DENND5B: variants seen among roughly 807,000 people sequenced by gnomAD.
DENND5B encodes DENN domain containing 5B, also known as DENN domain-containing protein 5B.
Under a neutral mutation model 140.6 loss-of-function variants are expected in DENND5B, and 34 were observed. The ratio of observed to expected loss-of-function variants is 0.24; its 90% confidence interval spans 0.18 to 0.32. DENND5B has a LOEUF of 0.32. Among genes scored for constraint, DENND5B ranks in the 10% least tolerant of loss-of-function variants. The pLI is 1.00. For missense variants in DENND5B, 1,142 were observed against 1,560.2 expected (o/e 0.73, Z 4.52); for synonymous variants, 551 against 562.1 (o/e 0.98, Z 0.28).
chr12:31,405,570 CAG>C (rs1942083017), intron 14 of DENND5B, among the ~76,000 whole-genome samples: 1 of 149,108 alleles, frequency 6.7e-6, no homozygotes, highest in Non-Finnish European at 1.5e-5. Context: ...ATTTTTGAGG[CAG>C]AGTTTCACTC....
At chr12:31,458,216 C>G (rs972944073) in intron 4 of DENND5B, among the ~76,000 whole-genome samples, 1 of 152,074 alleles carries the variant, frequency 6.6e-6, no homozygotes, top group Non-Finnish European at 1.5e-5. Context: ...GGAAAGGTTT[C>G]CCAACTACAG....
chr12:31,391,606 T>C (rs189925158), intron 19 of DENND5B, among the ~76,000 whole-genome samples: 1 of 152,336 alleles, frequency 6.6e-6, no homozygotes. Flanking sequence ...TATTACAATT[T>C]GTTGAGTAAA....
chr12:31,431,194 T>C (rs1240489818), intron 8 of DENND5B, among the ~76,000 whole-genome samples: 4 of 152,196 alleles, frequency 2.6e-5, no homozygotes, highest in Non-Finnish European at 5.9e-5. Flanking sequence ...ATATATCCTA[T>C]TATTCAATAA....
intron 3 of DENND5B, among the ~76,000 whole-genome samples, chr12:31,463,864 C>T (rs1248798531): frequency 6.6e-6 from 1 of 152,160 alleles, no homozygotes; most frequent in Non-Finnish European, 1.5e-5. Flanking sequence ...GATGGGGTTT[C>T]ACCATGTTGG....
intron 1 of DENND5B, among the ~76,000 whole-genome samples, chr12:31,558,411 G>T (rs185789147): frequency 3.9e-5 from 6 of 152,238 alleles, no homozygotes; most frequent in Admixed American, 3.3e-4. Context: ...AAGAGAAATG[G>T]TTCTCACCTC....
intron 1 of DENND5B, among the ~76,000 whole-genome samples, chr12:31,570,799 T>C (rs927621736): frequency 3.3e-5 from 5 of 152,048 alleles, no homozygotes; most frequent in African/African-American, 1.2e-4. Context: ...TTATACCTTC[T>C]TAGGTTATCT....
intron 1 of DENND5B, among the ~76,000 whole-genome samples, chr12:31,561,913 T>A (rs547934087): frequency 6.6e-6 from 1 of 152,310 alleles, no homozygotes; most frequent in East Asian, 1.9e-4. Flanking sequence ...TTAAGCCACA[T>A]CATTCATTCA....
intron 7 of DENND5B, among the ~76,000 whole-genome samples, chr12:31,435,664 T>C (rs1370339947): frequency 3.4e-5 from 1 of 29,056 alleles, no homozygotes; most frequent in Non-Finnish European, 6.1e-5. Flanking sequence ...TTTGTTTTAG[T>C]TTGTTTGTTT....
chr12:31,491,557 G>T (rs1423901971), intron 2 of DENND5B, among the ~76,000 whole-genome samples: 1 of 152,010 alleles, frequency 6.6e-6, no homozygotes, highest in Non-Finnish European at 1.5e-5. Flanking sequence ...AGGGAGGAAG[G>T]GAAAGGGAAA....
chr12:31,432,901 A>C, intron 8 of DENND5B: 1 of 391,064 alleles, frequency 2.6e-6, no homozygotes, highest in Non-Finnish European at 4.6e-6. Flanking sequence ...TTTATCCTCA[A>C]CTTGATCTTT....
intron 3 of DENND5B, 142 bp downstream of exon 3, chr12:31,479,447 G>T: frequency 1.5e-6 from 1 of 683,544 alleles, no homozygotes; most frequent in Non-Finnish European, 2.1e-6. Flanking sequence ...TCAGCCGCTG[G>T]TCCCACCATA....
chr12:31,514,488 A>C (rs540363738), intron 1 of DENND5B, among the ~76,000 whole-genome samples: 19 of 152,338 alleles, frequency 1.2e-4, no homozygotes, highest in South Asian at 6.2e-4. Context: ...CAAATTCTAC[A>C]ATAATGGTTT....
intron 1 of DENND5B, among the ~76,000 whole-genome samples, chr12:31,552,820 A>G (rs1386750682): frequency 1.3e-5 from 2 of 152,162 alleles, no homozygotes; most frequent in Non-Finnish European, 2.9e-5. Context: ...CAAGGAATTT[A>G]TCCGTTTCTT....
chr12:31,513,418 T>C (rs142054896), intron 1 of DENND5B, among the ~76,000 whole-genome samples: 2 of 152,360 alleles, frequency 1.3e-5, no homozygotes, highest in Admixed American at 6.5e-5. Context: ...GAGGGTAAAG[T>C]ACGTATCTAC....
At chr12:31,560,240 C>T (rs1243843540) in intron 1 of DENND5B, among the ~76,000 whole-genome samples, 1 of 152,216 alleles carries the variant, frequency 6.6e-6, no homozygotes, top group African/African-American at 2.4e-5. Context: ...GCCAACCCTC[C>T]TCCAACCTAT....
intron 2 of DENND5B, among the ~76,000 whole-genome samples, chr12:31,491,593 C>G (rs1174034727): frequency 6.6e-6 from 1 of 152,102 alleles, no homozygotes; most frequent in South Asian, 2.1e-4. Context: ...AGCTCTGAAG[C>G]AAACATGTCA....
At chr12:31,548,896 G>A (rs1376093415) in intron 1 of DENND5B, among the ~76,000 whole-genome samples, 1 of 152,072 alleles carries the variant, frequency 6.6e-6, no homozygotes, top group African/African-American at 2.4e-5. Context: ...TGAAAGCCAA[G>A]GGTTTTTTTT....
At chr12:31,515,064 A>C (rs544939251) in intron 1 of DENND5B, among the ~76,000 whole-genome samples, 1 of 152,370 alleles carries the variant, frequency 6.6e-6, no homozygotes, top group South Asian at 2.1e-4. Context: ...TCAAGGCTGC[A>C]GTCAGCTCTG....
At chr12:31,550,785 C>A (rs11051459) in intron 1 of DENND5B, among the ~76,000 whole-genome samples, 4 of 152,036 alleles carry the variant, frequency 2.6e-5, no homozygotes, top group Non-Finnish European at 4.4e-5. Flanking sequence ...TATCTCATTG[C>A]GGTTTTGATT....
Sources: gnomAD v4.1 joint callset for allele counts (sites outside exome capture counted in the v4.1 genomes callset) on GRCh38, gnomAD v4.1.1 for gene constraint, MANE v1.5 for transcripts, NCBI Gene and HGNC (gene_info 2026-07-23, HGNC 2026-07-21) for gene names.